FAT1: variants seen among roughly 807,000 people sequenced by gnomAD.
The protein encoded by FAT1 is protocadherin Fat 1.
Under a neutral mutation model 329.8 loss-of-function variants are expected in FAT1, and 171 were observed. That is an observed-to-expected ratio of 0.52 (90% CI 0.46 to 0.59). FAT1 has a LOEUF of 0.59. Among genes scored for constraint, FAT1 ranks in the 20% least tolerant of loss-of-function variants. The probability of loss-of-function intolerance (pLI) is 0.00; values close to 1 mark genes in which losing one functional copy is unlikely to be tolerated. For synonymous variants in FAT1, 2,233 were observed against 2,228.6 expected, an observed-to-expected ratio of 1.00 and a Z score of -0.06; for missense variants, 5,672 against 5,774.4, an observed-to-expected ratio of 0.98 and a Z score of 0.57.
chr4:186,592,557 C>A, intron 26 of FAT1: 1 of 387,002 alleles, frequency 2.6e-6, no homozygotes, highest in South Asian at 1.9e-5. Flanking sequence ...ATATACACAC[C>A]TGCATAAAAT....
rs1481601969 is a variant in FAT1 at position 186,620,566 on chromosome 4, G to A, written c.6020C>T (p.Pro2007Leu). The stretch of plus-strand genomic sequence containing the variant: ...GTGATAAAACAAAGGCTCATTGATT[G>A]GATTCCCAATAGCAGTAATGACAGC... Reference protein sequence around the residue: ...TLAVITAIGNPINEPLFYHIL... With the variant: ...TLAVITAIGNLINEPLFYHIL... Residue 2007 changes from proline to leucine, a missense_variant, in exon 10 of 27, where the codon CCA (proline) becomes CTA (leucine). Pro to Leu is a moderately conservative substitution (Grantham distance 98). Transcript: ENST00000441802. 6.2e-7 allele frequency: 1 copy of A among 1,613,994 alleles called. No individual in the cohort carries two copies. Among genetic ancestry groups the A allele is most frequent in the Non-Finnish European group, 8.5e-7 (1 of 1,179,898 alleles).
Position 186,617,981 on chromosome 4 carries a change from T to C in FAT1, c.8605A>G (p.Ile2869Val), listed in dbSNP as rs1454589425. ...SFAINMETGW[I>V]TTLKELDHEK... ...TGGTCAAGTTCCTTTAAAGTTGTAA[T>C]CCAGCCTGTTTCCATGTTAATGGCA... The change falls in exon 10 of 27, where the codon ATT becomes GTT. Residue 2869 changes from isoleucine (I) to valine (V), a missense_variant. Coordinates refer to ENST00000441802, the MANE Select transcript of FAT1 (RefSeq NM_005245.4). 1.9e-6 allele frequency: 3 copies of C among 1,613,936 alleles called. No individual in the cohort carries two copies. The African/African-American group carries it at 4.0e-5, about 22-fold the overall frequency.
chr4:186,627,686 T>C (rs570143149), intron 9 of FAT1, among the ~76,000 whole-genome samples: 1 of 152,178 alleles, frequency 6.6e-6, no homozygotes, highest in Non-Finnish European at 1.5e-5. Context: ...CACCTCTTTC[T>C]GAGGTTTCAG....
At chr4:186,659,757 A>G (rs1341858473) in intron 3 of FAT1, among the ~76,000 whole-genome samples, 8 of 131,356 alleles carry the variant, frequency 6.1e-5, no homozygotes, top group Non-Finnish European at 1.3e-4. Context: ...TCCCCTGAAC[A>G]ACCCTGGGTG....
At chr4:186,615,949 G>A (rs146491149) in intron 11 of FAT1, among the ~76,000 whole-genome samples, 50 of 152,206 alleles carry the variant, frequency 3.3e-4, no homozygotes, top group African/African-American at 1.1e-3. Context: ...AACTCAACAC[G>A]GAACTCCTCT....
At chr4:186,614,379 G>A (rs756580775) in intron 11 of FAT1, 35 bp from the exon 12 acceptor site, 48 of 1,379,282 alleles carry the variant, frequency 3.5e-5, no homozygotes, top group African/African-American at 4.5e-5. Context: ...TTACATAAAA[G>A]CATTAACAGG....
In FAT1 at chr4:186,621,407, A is replaced by C. The variant is rs547165792; in HGVS notation, c.5179T>G (p.Phe1727Val). 1.1e-5 allele frequency: 17 copies of C among 1,614,040 alleles called. No homozygotes were observed. The African/African-American group carries it at 2.0e-4, about 19-fold the overall frequency. The stretch of plus-strand genomic sequence containing the variant: ...AATGTGTAAATGGGCAAAGTTTCAA[A>C]GTCCAGGGCTTTCTGAGTGATGATA... ...GTIITQKALD[F>V]ETLPIYTLII... The change falls in exon 10 of 27, where the codon TTT (phenylalanine) becomes GTT (valine). Residue 1727 changes from phenylalanine to valine, a missense_variant. Phe to Val is a conservative substitution (Grantham distance 50). Around this residue, in one of 2 missense-constraint regions of FAT1, gnomAD observed 3,966 missense variants for 3,915.2 expected, o/e 1.01. Transcript: ENST00000441802.
chr4:186,676,063 C>A (rs1324628181), intron 2 of FAT1, among the ~76,000 whole-genome samples: 1 of 151,708 alleles, frequency 6.6e-6, no homozygotes, highest in African/African-American at 2.4e-5. Flanking sequence ...ATTCCTTGGA[C>A]CAGCAGAGAG....
chr4:186,700,496 A>C (rs556355524), intron 2 of FAT1, among the ~76,000 whole-genome samples: 44 of 152,320 alleles, frequency 2.9e-4, no homozygotes, highest in African/African-American at 1.0e-3. Context: ...TATGTCATTC[A>C]GAGTAAAAAT....
chr4:186,696,438 A>G (rs1744043964), intron 2 of FAT1, among the ~76,000 whole-genome samples: 1 of 152,206 alleles, frequency 6.6e-6, no homozygotes, highest in African/African-American at 2.4e-5. Flanking sequence ...ACAAATCGAA[A>G]GAAGAGGATC....
chr4:186,717,164 ACTC>A (rs1292404391), intron 1 of FAT1, among the ~76,000 whole-genome samples: 1 of 152,036 alleles, frequency 6.6e-6, no homozygotes, highest in African/African-American at 2.4e-5. Flanking sequence ...GAAAAAAAAA[ACTC>A]TCTATTTTTC....
intron 3 of FAT1, among the ~76,000 whole-genome samples, chr4:186,658,194 C>T (rs956619656): frequency 2.6e-5 from 4 of 152,182 alleles, no homozygotes; most frequent in African/African-American, 7.2e-5. Context: ...AGAATGGATG[C>T]GGTCTTTCAC....
chr4:186,635,589 G>A (rs577393914), intron 6 of FAT1, among the ~76,000 whole-genome samples: 1 of 152,260 alleles, frequency 6.6e-6, no homozygotes, highest in South Asian at 2.1e-4. Flanking sequence ...ATATTGACAT[G>A]TGACAGTCAC....
chr4:186,672,445 G>A (rs1438564996), intron 2 of FAT1, among the ~76,000 whole-genome samples: 1 of 152,096 alleles, frequency 6.6e-6, no homozygotes, highest in African/African-American at 2.4e-5. Context: ...CTGAAGCCAT[G>A]ACACTGACCA....
At chr4:186,701,471 C>G (rs564045822) in intron 2 of FAT1, among the ~76,000 whole-genome samples, 1 of 152,280 alleles carries the variant, frequency 6.6e-6, no homozygotes, top group South Asian at 2.1e-4. Context: ...AGGGAGGAGC[C>G]AGCAACACAA....
chr4:186,645,994 C>CAT (rs1321772093), intron 3 of FAT1, among the ~76,000 whole-genome samples: 18 of 147,002 alleles, frequency 1.2e-4, no homozygotes, highest in Non-Finnish European at 9.0e-5. Flanking sequence ...CACACACACA[C>CAT]ACACACACAC....
rs2126503842 is a variant in FAT1, at chr4:186,619,270, A to C, written c.7316T>G (p.Val2439Gly). ...ILSGNDHKHF[V>G]IDSATGIITL... ...GATAATCCCTGTTGCACTGTCAATG[A>C]CAAAATGTTTATGATCATTGCCAGA... is the stretch of plus-strand genomic sequence containing the variant. Residue 2439 changes from valine (V) to glycine (G), a missense_variant, in exon 10 of 27, where the codon GTC (valine) becomes GGC (glycine). Transcript: ENST00000441802. 3 of 1,614,024 alleles carry C rather than the reference A, an allele frequency of 1.9e-6. No homozygotes were observed. Among genetic ancestry groups the C allele is most frequent in the Non-Finnish European group, 2.5e-6 (3 of 1,179,906 alleles).
intron 2 of FAT1, among the ~76,000 whole-genome samples, chr4:186,700,030 G>T (rs1268563274): frequency 6.6e-6 from 1 of 152,144 alleles, no homozygotes; most frequent in Admixed American, 6.5e-5. Flanking sequence ...CCCTGGCAAG[G>T]GGGACGGTGA....
chr4:186,647,010 A>C (rs1283070366), intron 3 of FAT1, among the ~76,000 whole-genome samples: 1 of 152,226 alleles, frequency 6.6e-6, no homozygotes, highest in East Asian at 1.9e-4. Flanking sequence ...GTTCATAAAC[A>C]GTAGTAATGT....
Sources: gnomAD v4.1 joint callset for allele counts (sites outside exome capture counted in the v4.1 genomes callset) on GRCh38, gnomAD v4.1.1 for gene constraint, gnomAD v4.1.1 regional missense constraint, MANE v1.5 for transcripts, NCBI Gene and HGNC (gene_info 2026-07-23, HGNC 2026-07-21) for gene names.